The following SLX4IP variants were observed in gnomAD, a reference collection of about 807,000 sequenced individuals.
SLX4IP encodes the protein protein SLX4IP.
In SLX4IP, 34 loss-of-function variants were observed where a neutral mutation model predicts 32.9. The ratio of observed to expected loss-of-function variants is 1.03; its 90% confidence interval spans 0.79 to 1.38. SLX4IP has a LOEUF of 1.38. SLX4IP is among the 40% of genes most tolerant of loss of function. SLX4IP has a pLI of 0.00. For synonymous variants in SLX4IP, 172 were observed against 171.7 expected (o/e 1.00, Z -0.01); for missense variants, 444 against 479.0 (o/e 0.93, Z 0.68).
intron 2 of SLX4IP, among the ~76,000 whole-genome samples, chr20:10,511,700 C>CCA (rs2065809095): frequency 6.6e-6 from 1 of 152,188 alleles, no homozygotes; most frequent in Admixed American, 6.5e-5. Flanking sequence ...ACGTAAGGAC[C>CCA]CACAGTTAGG....
In SLX4IP at chr20:10,595,052, A is replaced by G. The variant is rs558152920; in HGVS notation, c.239-3623A>G. On this transcript the variant is annotated intron_variant, in intron 4 of 7. Coordinates refer to ENST00000334534, the MANE Select transcript of SLX4IP (RefSeq NM_001009608.3). Reference sequence around the variant, plus strand: ...GAAGTGCAACAGCTTTTTACGACATACAGAGAGCAAATGGTGGCACAAGAA... The same window carrying G: ...GAAGTGCAACAGCTTTTTACGACATGCAGAGAGCAAATGGTGGCACAAGAA... Among the ~76,000 whole-genome samples, 25 of 152,284 alleles carry G rather than the reference A, an allele frequency of 1.6e-4. No individual in the cohort carries two copies. In the South Asian group the frequency reaches 5.2e-3, roughly 32 times the overall value.
intron 2 of SLX4IP, among the ~76,000 whole-genome samples, chr20:10,520,825 T>C (rs1425575137): frequency 6.6e-6 from 1 of 152,218 alleles, no homozygotes; most frequent in Non-Finnish European, 1.5e-5. Context: ...GGAATCACAT[T>C]ATAGACTTTG....
At chr20:10,578,972 C>A (rs1433661274) in intron 4 of SLX4IP, among the ~76,000 whole-genome samples, 1 of 151,868 alleles carries the variant, frequency 6.6e-6, no homozygotes, top group South Asian at 2.1e-4. Context: ...AGATATAAGT[C>A]CCTTATCAGC....
chr20:10,546,242 G>A (rs1052140951), intron 2 of SLX4IP, among the ~76,000 whole-genome samples: 5 of 152,194 alleles, frequency 3.3e-5, no homozygotes, highest in Non-Finnish European at 7.3e-5. Flanking sequence ...TTACGGACGA[G>A]TACATTGCAG....
intron 2 of SLX4IP, among the ~76,000 whole-genome samples, chr20:10,518,404 T>TTTCTTTCCTTCC (rs369072091): frequency 2.4e-4 from 22 of 92,480 alleles, no homozygotes; most frequent in African/African-American, 1.0e-3. Flanking sequence ...TCTTTCTTTC[T>TTTCTTTCCTTCC]TTCCTTCCTT....
At chr20:10,566,553 C>T (rs2122508823) in intron 4 of SLX4IP, among the ~76,000 whole-genome samples, 1 of 152,092 alleles carries the variant, frequency 6.6e-6, no homozygotes, top group East Asian at 1.9e-4. Context: ...TCCTTCGTTC[C>T]AGGAACCATG....
intron 4 of SLX4IP, among the ~76,000 whole-genome samples, chr20:10,588,481 T>C (rs912950729): frequency 1.7e-4 from 26 of 152,146 alleles, no homozygotes; most frequent in Non-Finnish European, 4.4e-5. Context: ...TACCATATGA[T>C]CCAGCAGTCT....
chr20:10,568,705 A>C (rs2066424465), intron 4 of SLX4IP, among the ~76,000 whole-genome samples: 1 of 152,200 alleles, frequency 6.6e-6, no homozygotes, highest in Non-Finnish European at 1.5e-5. Context: ...AGAAACTTTC[A>C]CCTAGCCCAT....
At chr20:10,507,373 G>C (rs1161536817) in intron 2 of SLX4IP, among the ~76,000 whole-genome samples, 4 of 152,136 alleles carry the variant, frequency 2.6e-5, no homozygotes, top group South Asian at 4.1e-4. Flanking sequence ...TTAAAGTGGG[G>C]AGATGAGGTG....
chr20:10,442,586 G>T (rs2065168460), intron 1 of SLX4IP, among the ~76,000 whole-genome samples: 1 of 152,198 alleles, frequency 6.6e-6, no homozygotes, highest in Non-Finnish European at 1.5e-5. Flanking sequence ...TTGGAAAATT[G>T]ATCTTTTTGG....
At chr20:10,472,757 A>G (rs1182741188) in intron 2 of SLX4IP, among the ~76,000 whole-genome samples, 1 of 152,252 alleles carries the variant, frequency 6.6e-6, no homozygotes, top group Non-Finnish European at 1.5e-5. Flanking sequence ...TGTCCATCTT[A>G]GCACAGAGTC....
rs571364343 is a variant in SLX4IP, at chr20:10,588,750, G to T, written c.239-9925G>T. ...TAGAATGATGATTGCCAGAGGCAGG[G>T]GTAGGGACAGAGTCTGGCTAGGGGA... On this transcript the variant is annotated intron_variant, in intron 4 of 7. Transcript: ENST00000334534. Among the ~76,000 whole-genome samples, 4 of 152,256 alleles carry T rather than the reference G, an allele frequency of 2.6e-5. No individual in the cohort carries two copies. In the East Asian group the frequency reaches 7.7e-4, roughly 29 times the overall value.
intron 2 of SLX4IP, among the ~76,000 whole-genome samples, chr20:10,532,234 A>C (rs2065995927): frequency 1.3e-5 from 2 of 152,228 alleles, no homozygotes; most frequent in Non-Finnish European, 2.9e-5. Context: ...ACTAATCAAA[A>C]GATTGATGTC....
chr20:10,463,290 T>A (rs2065353396), intron 2 of SLX4IP, among the ~76,000 whole-genome samples: 1 of 152,226 alleles, frequency 6.6e-6, no homozygotes, highest in Admixed American at 6.5e-5. Flanking sequence ...CATTCTTTAG[T>A]CTTCTCTGCT....
intron 2 of SLX4IP, among the ~76,000 whole-genome samples, chr20:10,464,341 G>T (rs966215949): frequency 1.2e-4 from 18 of 152,140 alleles, no homozygotes; most frequent in Admixed American, 7.9e-4. Flanking sequence ...ACTTTGATAT[G>T]TCGTTTTAAT....
intron 4 of SLX4IP, among the ~76,000 whole-genome samples, chr20:10,589,500 G>T (rs1465070672): frequency 1.3e-5 from 2 of 152,064 alleles, no homozygotes; most frequent in Non-Finnish European, 2.9e-5. Context: ...ATAAAGCTCA[G>T]GTAATTAACA....
intron 2 of SLX4IP, among the ~76,000 whole-genome samples, chr20:10,471,746 G>A (rs2065426657): frequency 6.6e-6 from 1 of 152,140 alleles, no homozygotes; most frequent in South Asian, 2.1e-4. Context: ...CAGTTTTTCT[G>A]CTTTATTTGT....
At chr20:10,498,291 A>G (rs7269117) in intron 2 of SLX4IP, among the ~76,000 whole-genome samples, 10,640 of 151,686 alleles carry the variant, frequency 0.07, 1,137 homozygotes, top group African/African-American at 0.23. Context: ...ACAGCTTCCT[A>G]TCATGCCAGT....
intron 2 of SLX4IP, among the ~76,000 whole-genome samples, chr20:10,507,911 TATATATATACATATATGTATATTTGAG>T (rs1434655296): frequency 6.7e-6 from 1 of 149,822 alleles, no homozygotes; most frequent in Non-Finnish European, 1.5e-5. Flanking sequence ...CCTTTATATA[TATATATATACATATATGTATATTTGAG>T]ATATATATAC....
Sources: gnomAD v4.1 joint callset for allele counts (sites outside exome capture counted in the v4.1 genomes callset) on GRCh38, gnomAD v4.1.1 for gene constraint, MANE v1.5 for transcripts, NCBI Gene and HGNC (gene_info 2026-07-23, HGNC 2026-07-21) for gene names.